Variants in IMMP2L observed in about 807,000 individuals in gnomAD.
The protein encoded by IMMP2L is mitochondrial inner membrane protease subunit 2.
A neutral mutation model predicts 19.3 loss-of-function variants in IMMP2L; 18 were observed. The observed-to-expected ratio is 0.93, with a 90% confidence interval of 0.64 to 1.38. The LOEUF (loss-of-function observed/expected upper bound fraction) is 1.38. Ranked by LOEUF, IMMP2L falls within the 40% of genes most tolerant of loss-of-function variation. The pLI, the probability that IMMP2L is intolerant of heterozygous loss-of-function variation, is 0.00. For missense variants in IMMP2L, 233 were observed against 218.2 expected, an observed-to-expected ratio of 1.07 and a Z score of -0.43; for synonymous variants, 76 against 73.0, an observed-to-expected ratio of 1.04 and a Z score of -0.21.
chr7:110,955,692 C>T (rs1818287922), intron 4 of IMMP2L, among the ~76,000 whole-genome samples: 1 of 151,914 alleles, frequency 6.6e-6, no homozygotes, highest in Non-Finnish European at 1.5e-5. Flanking sequence ...ACTGGACTCC[C>T]ATTTGAGAAC....
Position 111,284,646 on chromosome 7 carries a change from T to C in IMMP2L, c.239+202592A>G, listed in dbSNP as rs374554466. Among the ~76,000 whole-genome samples, 282 of 152,218 alleles carry C rather than the reference T, an allele frequency of 1.9e-3. 2 individuals are homozygous for C. The highest frequency in any genetic ancestry group is 6.5e-3 in the African/African-American group (269 of 41,532). On this transcript the variant is annotated intron_variant, in intron 3 of 5. Transcript: ENST00000405709. ...CAGAATGACTATAAGCCCGGGGCTT[T>C]AAAAATTTCACAAATAAGAAAGGTT...
intron 3 of IMMP2L, among the ~76,000 whole-genome samples, chr7:111,061,327 G>C (rs1268845665): frequency 6.6e-6 from 1 of 152,144 alleles, no homozygotes; most frequent in Non-Finnish European, 1.5e-5. Flanking sequence ...GAAAGACTAG[G>C]ACCAAACCAC....
Position 110,727,599 on chromosome 7 carries a change from A to G in IMMP2L, c.409-63878T>C, listed in dbSNP as rs954872338. ...GAGAAGACAAGGTAGGGAAAGAGAG[A>G]GGAGACCAAGTATCCTTTCCCCACT... is the stretch of plus-strand genomic sequence containing the variant. On this transcript the variant is annotated intron_variant, in intron 5 of 5. Coordinates refer to ENST00000405709, the MANE Select transcript of IMMP2L (RefSeq NM_032549.4). The surrounding 1 kb of genome is among the most constrained non-coding windows in gnomAD (Gnocchi z 4.3). Among the ~76,000 whole-genome samples, 2 of 151,726 alleles carry G rather than the reference A, an allele frequency of 1.3e-5. No individual in the cohort carries two copies. The highest frequency in any genetic ancestry group is 2.9e-5 in the Non-Finnish European group (2 of 67,918).
intron 5 of IMMP2L, among the ~76,000 whole-genome samples, chr7:110,720,617 T>C (rs1425904696): frequency 6.6e-6 from 1 of 152,202 alleles, no homozygotes; most frequent in Non-Finnish European, 1.5e-5. Flanking sequence ...ACATGTAATC[T>C]AGTCTTTGCT....
intron 3 of IMMP2L, among the ~76,000 whole-genome samples, chr7:111,468,737 C>T (rs1449159899): frequency 6.6e-6 from 1 of 151,982 alleles, no homozygotes; most frequent in East Asian, 1.9e-4. Context: ...GGCACCTGGA[C>T]TTAGTAAATG....
At chr7:111,436,247 T>A (rs1011316550) in intron 3 of IMMP2L, among the ~76,000 whole-genome samples, 1 of 151,572 alleles carries the variant, frequency 6.6e-6, no homozygotes, top group Admixed American at 6.6e-5. Flanking sequence ...TTATGTCATA[T>A]CCACTTGGCC....
intron 3 of IMMP2L, among the ~76,000 whole-genome samples, chr7:111,410,884 T>C (rs542356748): frequency 6.6e-6 from 1 of 151,272 alleles, no homozygotes; most frequent in African/African-American, 2.4e-5. Context: ...AAATAAACAG[T>C]CTTGGTAACA....
intron 3 of IMMP2L, among the ~76,000 whole-genome samples, chr7:111,043,436 T>C (rs1446910998): frequency 6.6e-6 from 1 of 152,230 alleles, no homozygotes; most frequent in Non-Finnish European, 1.5e-5. Context: ...TACTCAAAAA[T>C]GCCTATAGGA....
intron 3 of IMMP2L, among the ~76,000 whole-genome samples, chr7:111,098,847 G>A (rs553864512): frequency 2.9e-4 from 44 of 151,806 alleles, no homozygotes; most frequent in African/African-American, 1.0e-3. Flanking sequence ...ACTGCCTCCC[G>A]TTGGTACTGC....
intron 3 of IMMP2L, among the ~76,000 whole-genome samples, chr7:111,001,519 C>G (rs560102167): frequency 2.2e-4 from 34 of 152,016 alleles, no homozygotes; most frequent in Non-Finnish European, 3.8e-4. Flanking sequence ...GTTTTTATAT[C>G]AAAAGAGATC....
At chr7:111,557,705 C>T (rs1791533665) in intron 1 of IMMP2L, among the ~76,000 whole-genome samples, 2 of 152,136 alleles carry the variant, frequency 1.3e-5, no homozygotes, top group African/African-American at 4.8e-5. Context: ...GTCAAGATAT[C>T]TGTAGTCCTA....
intron 5 of IMMP2L, among the ~76,000 whole-genome samples, chr7:110,863,107 A>T (rs2129543008): frequency 6.6e-6 from 1 of 152,270 alleles, no homozygotes; most frequent in Admixed American, 6.5e-5. Context: ...GTTAGAATCC[A>T]TGATCCAATG....
At chr7:111,491,887 C>A (rs1843139000) in intron 2 of IMMP2L, among the ~76,000 whole-genome samples, 1 of 151,884 alleles carries the variant, frequency 6.6e-6, no homozygotes, top group Admixed American at 6.6e-5. Flanking sequence ...ACTTTCACTG[C>A]ATTCGTTTTT....
intron 3 of IMMP2L, among the ~76,000 whole-genome samples, chr7:111,006,102 G>A (rs1046618087): frequency 4.6e-5 from 7 of 152,078 alleles, no homozygotes; most frequent in African/African-American, 1.4e-4. Flanking sequence ...ACATTTTAGC[G>A]TAAATTATGC....
At chr7:111,411,452 G>A (rs1370707588) in intron 3 of IMMP2L, 6 of 501,174 alleles carry the variant, frequency 1.2e-5, no homozygotes, top group African/African-American at 3.9e-5. Context: ...GGAGCTCTTC[G>A]TGTACCTGAA....
At chr7:111,090,483 T>A (rs1038621495) in intron 3 of IMMP2L, among the ~76,000 whole-genome samples, 6 of 151,852 alleles carry the variant, frequency 4.0e-5, no homozygotes, top group Non-Finnish European at 8.8e-5. Flanking sequence ...GAGAAGTCAG[T>A]GAGTATAATT....
At chr7:110,767,395 G>T (rs1798741541) in intron 5 of IMMP2L, among the ~76,000 whole-genome samples, 1 of 152,020 alleles carries the variant, frequency 6.6e-6, no homozygotes. Context: ...AATTGATTTT[G>T]AATTGATCTG....
chr7:111,195,932 T>C (rs749241537), intron 3 of IMMP2L, among the ~76,000 whole-genome samples: 2 of 152,054 alleles, frequency 1.3e-5, no homozygotes, highest in Non-Finnish European at 2.9e-5. Context: ...ACCAACACAA[T>C]CACGGCTCAC....
intron 3 of IMMP2L, among the ~76,000 whole-genome samples, chr7:111,098,701 G>T (rs150316763): frequency 2.0e-5 from 3 of 151,674 alleles, no homozygotes; most frequent in African/African-American, 7.3e-5. Context: ...CTAAGTAAGC[G>T]CTATGTTTAA....
Sources: gnomAD v4.1 joint callset for allele counts (sites outside exome capture counted in the v4.1 genomes callset) on GRCh38, gnomAD v4.1.1 for gene constraint, Gnocchi (gnomAD v3.1) non-coding constraint, MANE v1.5 for transcripts, NCBI Gene and HGNC (gene_info 2026-07-23, HGNC 2026-07-21) for gene names.